Variants in ANXA8 observed in about 807,000 individuals in gnomAD.
ANXA8 encodes the protein annexin A8.
ANXA8 carries 9 observed loss-of-function variants against 26.8 expected under a neutral mutation model. The ratio of observed to expected loss-of-function variants is 0.34; its 90% CI spans 0.20 to 0.59. The LOEUF (loss-of-function observed/expected upper bound fraction) is 0.59, where lower values mean the gene tolerates loss of function less well. Among genes scored for constraint, ANXA8 ranks in the 20% least tolerant of loss-of-function variants. The pLI, the probability that ANXA8 is intolerant of heterozygous loss-of-function variation, is 0.84. For synonymous variants in ANXA8, 39 were observed against 94.8 expected (o/e 0.41, Z 3.42); for missense variants, 83 against 238.5 (o/e 0.35, Z 4.29).
chr10:47,692,787 C>G, the ANXA8 span: 1 of 146,126 alleles, frequency 6.8e-6, no homozygotes. Flanking sequence ...CAGGCTGGAG[C>G]GCAGTGGCAC....
At chr10:47,959,828 T>C in the ANXA8 span, among the ~76,000 whole-genome samples, 1 of 150,862 alleles carries the variant, frequency 6.6e-6, no homozygotes, top group Admixed American at 6.6e-5. Context: ...GTGAGGCATA[T>C]GGTGCTGTGC....
chr10:47,707,623 G>C, the ANXA8 span, among the ~76,000 whole-genome samples: 114 of 138,104 alleles, frequency 8.3e-4, 4 homozygotes, highest in African/African-American at 2.8e-3. Flanking sequence ...CTGAGCTCAA[G>C]CGATCCTCTT....
At chr10:47,560,150 A>AT in the ANXA8 span, among the ~76,000 whole-genome samples, 1 of 151,780 alleles carries the variant, frequency 6.6e-6, no homozygotes, top group Non-Finnish European at 1.5e-5. Flanking sequence ...CTGGTTCCTA[A>AT]TTTTTAGTAA....
At chr10:47,720,862 G>A in the ANXA8 span, among the ~76,000 whole-genome samples, 3 of 139,786 alleles carry the variant, frequency 2.1e-5, no homozygotes, top group African/African-American at 5.2e-5. Context: ...AAGATGTATG[G>A]TAGGCTGGGT....
At chr10:47,566,420 G>A in the ANXA8 span, among the ~76,000 whole-genome samples, 3 of 151,068 alleles carry the variant, frequency 2.0e-5, no homozygotes, top group African/African-American at 4.9e-5. Context: ...CACAAACTGA[G>A]CCGCAGAAAC....
At chr10:47,748,508 C>T in the ANXA8 span, among the ~76,000 whole-genome samples, 18 of 152,020 alleles carry the variant, frequency 1.2e-4, 1 homozygote, top group Non-Finnish European at 1.6e-4. Flanking sequence ...CCACCGCACC[C>T]GACCCAGGCA....
chr10:47,483,576 C>T (rs1839925544), intron 1 of ANXA8, among the ~76,000 whole-genome samples: 1 of 140,754 alleles, frequency 7.1e-6, no homozygotes, highest in South Asian at 2.3e-4. Flanking sequence ...TACACATTTA[C>T]ACACAAGGCT....
the ANXA8 span, among the ~76,000 whole-genome samples, chr10:47,953,752 A>G: frequency 1.3e-5 from 2 of 150,708 alleles, no homozygotes; most frequent in South Asian, 4.2e-4. Flanking sequence ...GACGCTTCTC[A>G]AAAGAGGTCA....
the ANXA8 span, among the ~76,000 whole-genome samples, chr10:47,490,574 G>A: frequency 2.0e-5 from 3 of 151,718 alleles, no homozygotes; most frequent in African/African-American, 7.3e-5. Flanking sequence ...ATGGCTACTT[G>A]AGAGAATGGC....
chr10:47,540,364 G>A, the ANXA8 span, among the ~76,000 whole-genome samples: 115 of 106,486 alleles, frequency 1.1e-3, 11 homozygotes, highest in Non-Finnish European at 1.8e-3. Flanking sequence ...AGTTAATAAG[G>A]AAACTGAGGC....
chr10:47,585,104 AT>A, the ANXA8 span, among the ~76,000 whole-genome samples: 1 of 144,482 alleles, frequency 6.9e-6, no homozygotes, highest in Non-Finnish European at 1.5e-5. Flanking sequence ...AATAAAATAA[AT>A]TACAAAAATT....
the ANXA8 span, among the ~76,000 whole-genome samples, chr10:47,982,979 G>C: frequency 8.3e-6 from 1 of 120,336 alleles, no homozygotes; most frequent in Non-Finnish European, 1.8e-5. Flanking sequence ...AAAAGCACCT[G>C]AAAAGATGCT....
At chr10:47,666,567 C>T in the ANXA8 span, among the ~76,000 whole-genome samples, 1 of 151,916 alleles carries the variant, frequency 6.6e-6, no homozygotes, top group Admixed American at 6.6e-5. Context: ...AATGTTCCTT[C>T]TTTTTCCCTC....
At chr10:47,644,404 C>G in the ANXA8 span, among the ~76,000 whole-genome samples, 1 of 151,892 alleles carries the variant, frequency 6.6e-6, no homozygotes, top group Non-Finnish European at 1.5e-5. Context: ...TACAACTGTT[C>G]AACTCTGCTG....
At chr10:47,618,772 C>G in the ANXA8 span, among the ~76,000 whole-genome samples, 1 of 111,672 alleles carries the variant, frequency 9.0e-6, no homozygotes, top group East Asian at 2.2e-4. Flanking sequence ...TCAGAGAAGT[C>G]TGTATTACAA....
At chr10:47,730,695 G>A in the ANXA8 span, among the ~76,000 whole-genome samples, 2 of 147,574 alleles carry the variant, frequency 1.4e-5, no homozygotes, top group Non-Finnish European at 3.0e-5. Flanking sequence ...GCAGATCCCT[G>A]GGAATTAAAG....
At chr10:47,669,783 T>G in the ANXA8 span, among the ~76,000 whole-genome samples, 1 of 152,060 alleles carries the variant, frequency 6.6e-6, no homozygotes, top group Non-Finnish European at 1.5e-5. Flanking sequence ...AGAAATGAAG[T>G]TAAATATATG....
the ANXA8 span, among the ~76,000 whole-genome samples, chr10:47,644,401 G>A: frequency 2.1e-4 from 32 of 151,858 alleles, no homozygotes; most frequent in African/African-American, 7.0e-4. Flanking sequence ...CTATACAACT[G>A]TTCAACTCTG....
At chr10:47,533,171 C>A in the ANXA8 span, among the ~76,000 whole-genome samples, 1 of 148,328 alleles carries the variant, frequency 6.7e-6, no homozygotes, top group African/African-American at 2.5e-5. Flanking sequence ...GAAGTCATTC[C>A]AAGTAAACAC....
Sources: allele counts gnomAD v4.1 joint callset (sites outside exome capture counted in the v4.1 genomes callset), GRCh38; gene constraint gnomAD v4.1.1; transcripts MANE v1.5; gene names NCBI Gene and HGNC (gene_info 2026-07-23, HGNC 2026-07-21).